ADGRF1: variants seen among roughly 807,000 people sequenced by gnomAD.
ADGRF1 encodes adhesion G protein-coupled receptor F1.
Under a neutral mutation model 87.2 loss-of-function variants are expected in ADGRF1, and 85 were observed. That is an observed-to-expected ratio of 0.97 (90% CI 0.82 to 1.17). The LOEUF (loss-of-function observed/expected upper bound fraction) is 1.17, where lower values mean the gene tolerates loss of function less well. Ranked by LOEUF, ADGRF1 falls within the 50% of genes most tolerant of loss-of-function variation. ADGRF1 has a pLI of 0.00. For synonymous variants in ADGRF1, 430 were observed against 408.8 expected, an observed-to-expected ratio of 1.05 and a Z score of -0.63; for missense variants, 1,169 against 1,077.2, an observed-to-expected ratio of 1.09 and a Z score of -1.19.
chr6:47,001,477 A>G (rs1268728781), intron 14 of ADGRF1, 24 bp downstream of exon 14: 2 of 1,602,928 alleles, frequency 1.2e-6, no homozygotes, highest in African/African-American at 2.7e-5. Context: ...ACCTTTTATA[A>G]CCTTTGGTTT....
chr6:47,008,658 A>G (rs59969162), intron 11 of ADGRF1, among the ~76,000 whole-genome samples: 2,605 of 152,310 alleles, frequency 0.017, 82 homozygotes, highest in African/African-American at 0.059. Context: ...AGTTCTGCCT[A>G]AGAGAAAGAG....
chr6:47,031,379 CTCTCTCT>C (rs1780427665), intron 1 of ADGRF1, among the ~76,000 whole-genome samples: 1 of 150,642 alleles, frequency 6.6e-6, no homozygotes, highest in African/African-American at 2.5e-5. Flanking sequence ...CTCTCTCTCT[CTCTCTCT>C]CCTTGAAAAA....
intron 1 of ADGRF1, among the ~76,000 whole-genome samples, chr6:47,034,067 C>A (rs866102632): frequency 1.5e-4 from 23 of 152,296 alleles, no homozygotes; most frequent in African/African-American, 5.5e-4. Context: ...TTTATAAACA[C>A]AGCAGGAAGA....
At chr6:47,019,228 G>T in intron 7 of ADGRF1, 1 of 883,260 alleles carries the variant, frequency 1.1e-6, no homozygotes, top group Non-Finnish European at 1.4e-6. Flanking sequence ...AAGGATCACA[G>T]AAAAGAAAAA....
intron 3 of ADGRF1, 141 bp downstream of exon 3, chr6:47,027,563 T>C: frequency 3.3e-6 from 2 of 608,100 alleles, no homozygotes; most frequent in Non-Finnish European, 5.9e-6. Context: ...TCATAGGAAT[T>C]ACTGTCATTC....
intron 3 of ADGRF1, among the ~76,000 whole-genome samples, chr6:47,027,166 G>T (rs1780260146): frequency 6.6e-6 from 1 of 152,208 alleles, no homozygotes; most frequent in Admixed American, 6.5e-5. Flanking sequence ...CAGGGAAATT[G>T]TATTCATGTC....
rs1398466797 is a variant in ADGRF1, at chr6:46,999,231, A to G, written c.*991T>C. 1 of 152,216 alleles carries G rather than the reference A, an allele frequency of 6.6e-6. No individual in the cohort carries two copies. The highest frequency in any genetic ancestry group is 6.5e-5 in the Admixed American group (1 of 15,284). 9.4% of individuals were successfully genotyped at this position (152,216 alleles called of 1,614,324 possible). A position where few individuals can be genotyped will look rare whatever the true frequency, so the allele number is the denominator to read the frequency against. On this transcript the variant is annotated 3_prime_UTR_variant, in exon 15 of 15. Coordinates refer to ENST00000371253, the MANE Select transcript of ADGRF1 (RefSeq NM_153840.4). Reference sequence around the variant, plus strand: ...AGAAAATAACTTCCACAAAGTGCCTATGGTGTATTATGAAAGAAAATAAGG... The same window carrying G: ...AGAAAATAACTTCCACAAAGTGCCTGTGGTGTATTATGAAAGAAAATAAGG...
chr6:46,999,935 A>G lies in ADGRF1; in HGVS notation c.*287T>C, dbSNP rs1255674062. ...ATAATGCTGTTTTATGAAAATAGAA[A>G]CCATATTTTATGGTCAGGGTACAAC... On this transcript the variant is annotated 3_prime_UTR_variant, in exon 15 of 15. Coordinates refer to ENST00000371253, the MANE Select transcript of ADGRF1 (RefSeq NM_153840.4). The G allele has an allele frequency of 4.0e-6, 1 of 248,608 alleles. No individual in the cohort carries two copies. Among genetic ancestry groups the G allele is most frequent in the African/African-American group, 2.2e-5 (1 of 45,112 alleles). The allele number at this position is 248,608 out of a possible 1,614,324, so 15.4% of individuals were successfully genotyped here.
At chr6:47,020,923 G>A in intron 6 of ADGRF1, 134 bp from the exon 7 acceptor site, 1 of 675,586 alleles carries the variant, frequency 1.5e-6, no homozygotes, top group Non-Finnish European at 2.6e-6. Flanking sequence ...ACAGTGGGAA[G>A]TAATTGCATG....
At chr6:47,036,562 T>C (rs1361886203) in intron 1 of ADGRF1, among the ~76,000 whole-genome samples, 1 of 152,182 alleles carries the variant, frequency 6.6e-6, no homozygotes, top group Non-Finnish European at 1.5e-5. Context: ...AATGGTCAGA[T>C]TAAAGATGTC....
At chr6:47,031,647 A>G (rs1368961438) in intron 1 of ADGRF1, among the ~76,000 whole-genome samples, 1 of 152,218 alleles carries the variant, frequency 6.6e-6, no homozygotes, top group Non-Finnish European at 1.5e-5. Context: ...TTAGGAGCTC[A>G]TTAGAAAATG....
chr6:47,016,627 C>T lies in ADGRF1; in HGVS notation c.753G>A (p.Val251=), dbSNP rs142082650. The change falls in exon 8 of 15, where the codon GTG becomes GTA. Residue 251 remains valine (V), a synonymous_variant. Coordinates refer to ENST00000371253, the MANE Select transcript of ADGRF1 (RefSeq NM_153840.4). ...LFPLEDGSFR[V]FGKAQCNDIV... is the part of the protein sequence containing the mutation. The stretch of plus-strand genomic sequence containing the variant: ...GGAATCCAGCATTACCTTTTCCGAA[C>T]ACTCTGAAAGAGCCGTCTTCTAATG... The T allele has an allele frequency of 3.1e-6, 5 of 1,603,768 alleles. No individual in the cohort carries two copies. The African/African-American group carries it at 6.7e-5, about 21-fold the overall frequency.
chr6:47,011,869 A>G, intron 10 of ADGRF1, 138 bp downstream of exon 10: 7 of 723,186 alleles, frequency 9.7e-6, no homozygotes, highest in Non-Finnish European at 1.6e-5. Flanking sequence ...TATACCTCAG[A>G]GGAAGCAGTA....
chr6:47,015,622 C>T (rs1236705320), intron 8 of ADGRF1, among the ~76,000 whole-genome samples: 2 of 149,250 alleles, frequency 1.3e-5, no homozygotes, highest in Non-Finnish European at 2.9e-5. Flanking sequence ...GAGTCTCGCT[C>T]TGTCACCCAG....
In ADGRF1 at chr6:47,035,510, T is replaced by A. The variant is rs138576358; in HGVS notation, c.-43-6406A>T. Among the ~76,000 whole-genome samples, 651 of 152,368 alleles carry A rather than the reference T, an allele frequency of 4.3e-3. 1 individual carries two copies. The highest frequency in any genetic ancestry group is 6.6e-3 in the South Asian group (32 of 4,832). ...CAAAGTGTTTTTAATAAGTTTTGATTTGATTATTTTGGCAATTGTGTAAGT... is the reference window on the plus strand; with the variant it reads ...CAAAGTGTTTTTAATAAGTTTTGATATGATTATTTTGGCAATTGTGTAAGT... On this transcript the variant is annotated intron_variant, in intron 1 of 14. Transcript: ENST00000371253.
chr6:47,026,342 G>A (rs929391385), intron 3 of ADGRF1, among the ~76,000 whole-genome samples: 1 of 152,118 alleles, frequency 6.6e-6, no homozygotes, highest in Non-Finnish European at 1.5e-5. Flanking sequence ...GAAGGGGGAA[G>A]AGGTGAGGAA....
Position 47,024,206 on chromosome 6 carries a change from G to T in ADGRF1, c.289C>A (p.Leu97Met), listed in dbSNP as rs751937200. The T allele has an allele frequency of 1.2e-5, 20 of 1,613,450 alleles. No homozygotes were observed. The highest frequency in any genetic ancestry group is 1.7e-5 in the Non-Finnish European group (20 of 1,179,642). The change falls in exon 5 of 15, where the codon CTG becomes ATG. Residue 97 changes from leucine to methionine, a missense_variant. Coordinates refer to ENST00000371253, the MANE Select transcript of ADGRF1 (RefSeq NM_153840.4). ...CAGGTACACTGCAGGACTCCATTCA[G>T]GCTGTTGCAGTCTGCACAAGAAATA... Reference protein sequence around the residue: ...RAKATTDCNSLNGVLQCTCED... With the variant: ...RAKATTDCNSMNGVLQCTCED...
At chr6:47,008,866 CAG>C (rs1779605353) in intron 11 of ADGRF1, 77 bp downstream of exon 11, 12 of 1,249,518 alleles carry the variant, frequency 9.6e-6, no homozygotes, top group Non-Finnish European at 1.3e-5. Flanking sequence ...AGATAATCTC[CAG>C]AGTGGTTTTA....
At chr6:47,023,144 T>C (rs80214489) in intron 5 of ADGRF1, among the ~76,000 whole-genome samples, 239 of 152,336 alleles carry the variant, frequency 1.6e-3, no homozygotes, top group African/African-American at 5.5e-3. Context: ...TCAACATTCA[T>C]TGAAGAAATT....
Sources: gnomAD v4.1 joint callset for allele counts (sites outside exome capture counted in the v4.1 genomes callset) on GRCh38, gnomAD v4.1.1 for gene constraint, MANE v1.5 for transcripts, NCBI Gene and HGNC (gene_info 2026-07-23, HGNC 2026-07-21) for gene names.